RAB28: variants seen among roughly 807,000 people sequenced by gnomAD.
RAB28 encodes RAB28, member RAS oncogene family, also known as ras-related protein Rab-28.
Under a neutral mutation model 31.7 loss-of-function variants are expected in RAB28, and 24 were observed. That is an observed-to-expected ratio of 0.76 (90% CI 0.55 to 1.06). The LOEUF (loss-of-function observed/expected upper bound fraction) is 1.06. Among genes scored for constraint, RAB28 ranks in the 50% least tolerant of loss-of-function variants. The probability of loss-of-function intolerance (pLI) is 0.00; values close to 1 mark genes in which losing one functional copy is unlikely to be tolerated. For synonymous variants in RAB28, 100 were observed against 90.4 expected (o/e 1.11, Z -0.60); for missense variants, 254 against 258.5 (o/e 0.98, Z 0.12).
At chr4:13,429,740 A>G (rs1713706165) in intron 4 of RAB28, among the ~76,000 whole-genome samples, 1 of 152,198 alleles carries the variant, frequency 6.6e-6, no homozygotes, top group Non-Finnish European at 1.5e-5. Context: ...TACCAATCAA[A>G]TTTCCAGCTG....
chr4:13,384,466 A>G (rs1164997402), intron 4 of RAB28, among the ~76,000 whole-genome samples: 3 of 152,174 alleles, frequency 2.0e-5, no homozygotes, highest in Admixed American at 6.5e-5. Context: ...CACCTACTGA[A>G]GTGTAATGAC....
chr4:13,371,319 T>C (rs1728704309), intron 6 of RAB28: 4 of 985,232 alleles, frequency 4.1e-6, no homozygotes, highest in African/African-American at 1.7e-5. Context: ...AGTGAAATAT[T>C]GTATACCATT....
rs181824414 is a variant in RAB28, at chr4:13,419,826, A to G, written c.392-38232T>C. On this transcript the variant is annotated intron_variant, in intron 4 of 6. Coordinates refer to ENST00000330852, the MANE Select transcript of RAB28 (RefSeq NM_001017979.3). ...AAAGATCTAAAATCAACACCCTAAC[A>G]TCACAATTAAAAGAACTAGAGAAGC... is the stretch of plus-strand genomic sequence containing the variant. Among the ~76,000 whole-genome samples, 252 of 152,328 alleles carry G rather than the reference A, an allele frequency of 1.7e-3. 2 individuals are homozygous for G. The highest frequency in any genetic ancestry group is 5.8e-3 in the African/African-American group (242 of 41,582).
chr4:13,403,288 AG>A (rs1177447561), intron 4 of RAB28, among the ~76,000 whole-genome samples: 1 of 152,202 alleles, frequency 6.6e-6, no homozygotes, highest in Non-Finnish European at 1.5e-5. Context: ...TGTGATTAAA[AG>A]ATGTAACAAG....
intron 4 of RAB28, among the ~76,000 whole-genome samples, chr4:13,409,937 G>A (rs1450126622): frequency 1.3e-5 from 2 of 152,120 alleles, no homozygotes; most frequent in African/African-American, 4.8e-5. Context: ...GGCCTGGTAG[G>A]AGGTGACTGG....
chr4:13,456,063 T>C (rs537168383), intron 4 of RAB28, among the ~76,000 whole-genome samples: 178 of 152,320 alleles, frequency 1.2e-3, no homozygotes, highest in South Asian at 4.1e-3. Context: ...AAGATCTAGG[T>C]TGGCAGGTTC....
chr4:13,458,610 A>G (rs1033029138), intron 4 of RAB28, among the ~76,000 whole-genome samples: 9 of 152,198 alleles, frequency 5.9e-5, no homozygotes, highest in African/African-American at 2.2e-4. Context: ...TATTTCACAT[A>G]CATTCATGTG....
intron 3 of RAB28, among the ~76,000 whole-genome samples, chr4:13,466,318 G>C (rs769113446): frequency 6.6e-6 from 1 of 151,750 alleles, no homozygotes; most frequent in East Asian, 1.9e-4. Flanking sequence ...CATCCAATAA[G>C]GGGTTAACAT....
chr4:13,433,767 A>C (rs1441702162), intron 4 of RAB28, among the ~76,000 whole-genome samples: 2 of 152,184 alleles, frequency 1.3e-5, no homozygotes, highest in African/African-American at 4.8e-5. Flanking sequence ...CAAAGAGCTA[A>C]AAATAGAACT....
rs998581491 is a variant in RAB28, at chr4:13,448,622, C to T, written c.391+12077G>A. ...TTTTGATTGATATTATGAAACAGCA[C>T]TCATTTGCTATTTTATTCCCCAACA... On this transcript the variant is annotated intron_variant, in intron 4 of 6. Transcript: ENST00000330852. Among the ~76,000 whole-genome samples the T allele has an allele frequency of 3.9e-5, 6 of 152,160 alleles. No individual in the cohort carries two copies. The East Asian group carries it at 9.6e-4, about 24-fold the overall frequency.
chr4:13,462,412 G>A (rs778019252), intron 3 of RAB28, among the ~76,000 whole-genome samples: 2 of 152,134 alleles, frequency 1.3e-5, no homozygotes, highest in African/African-American at 4.8e-5. Context: ...ATTAGTGATA[G>A]AGATTAGGCA....
intron 2 of RAB28, among the ~76,000 whole-genome samples, chr4:13,477,200 T>C (rs1166491903): frequency 1.3e-5 from 2 of 151,586 alleles, no homozygotes; most frequent in South Asian, 4.1e-4. Flanking sequence ...CAGTAAAATC[T>C]GCACAGTGGT....
chr4:13,462,857 A>G (rs1211537583), intron 3 of RAB28, among the ~76,000 whole-genome samples: 1 of 152,160 alleles, frequency 6.6e-6, no homozygotes, highest in African/African-American at 2.4e-5. Context: ...AAGCCCCAGA[A>G]CTGATATCTG....
chr4:13,424,737 C>T (rs755751744), intron 4 of RAB28, among the ~76,000 whole-genome samples: 3 of 152,204 alleles, frequency 2.0e-5, no homozygotes, highest in African/African-American at 7.2e-5. Context: ...ATAAGTGATC[C>T]ATGTTCCTGA....
chr4:13,412,618 C>T (rs1712506068), intron 4 of RAB28, among the ~76,000 whole-genome samples: 1 of 151,614 alleles, frequency 6.6e-6, no homozygotes, highest in Non-Finnish European at 1.5e-5. Context: ...ATTTACCTCA[C>T]TAAAAAGTGA....
intron 1 of RAB28, among the ~76,000 whole-genome samples, chr4:13,481,417 A>G (rs984068041): frequency 6.6e-6 from 1 of 152,056 alleles, no homozygotes; most frequent in African/African-American, 2.4e-5. Flanking sequence ...TATCTTTCAC[A>G]TTCAATAATT....
intron 4 of RAB28, among the ~76,000 whole-genome samples, chr4:13,437,177 A>C (rs1322308332): frequency 1.3e-5 from 2 of 152,232 alleles, no homozygotes; most frequent in East Asian, 3.9e-4. Context: ...ATGAAACTGA[A>C]ACCTTCCTTA....
At chr4:13,369,250 T>C (rs1728625517) in intron 6 of RAB28, among the ~76,000 whole-genome samples, 1 of 152,100 alleles carries the variant, frequency 6.6e-6, no homozygotes, top group African/African-American at 2.4e-5. Context: ...TGGTTATGAA[T>C]ACAACTCTAA....
At chr4:13,423,679 G>A (rs1368205845) in intron 4 of RAB28, among the ~76,000 whole-genome samples, 1 of 152,112 alleles carries the variant, frequency 6.6e-6, no homozygotes, top group Non-Finnish European at 1.5e-5. Flanking sequence ...GGCCCTTGAA[G>A]CCTAAAATAT....
Sources: allele counts gnomAD v4.1 joint callset (sites outside exome capture counted in the v4.1 genomes callset), GRCh38; gene constraint gnomAD v4.1.1; transcripts MANE v1.5; gene names NCBI Gene and HGNC (gene_info 2026-07-23, HGNC 2026-07-21).